NLK: variants seen among roughly 807,000 people sequenced by gnomAD.
NLK encodes the protein nemo like kinase.
Under a neutral mutation model 59.0 loss-of-function variants are expected in NLK, and 11 were observed. That is an observed-to-expected ratio of 0.19 (90% CI 0.12 to 0.31). NLK has a LOEUF of 0.31. Among genes scored for constraint, NLK ranks in the 10% least tolerant of loss-of-function variants. The probability of loss-of-function intolerance (pLI) is 1.00; values close to 1 mark genes in which losing one functional copy is unlikely to be tolerated. For missense variants in NLK, 410 were observed against 661.1 expected, an observed-to-expected ratio of 0.62 and a Z score of 4.16; for synonymous variants, 235 against 235.9, an observed-to-expected ratio of 1.00 and a Z score of 0.03.
chr17:28,086,666 T>G (rs1910527918), intron 1 of NLK, among the ~76,000 whole-genome samples: 1 of 152,048 alleles, frequency 6.6e-6, no homozygotes. Context: ...AGGTTGCATT[T>G]CCTTCACTTT....
chr17:28,201,394 T>TC, the NLK span, among the ~76,000 whole-genome samples: 1 of 150,628 alleles, frequency 6.6e-6, no homozygotes, highest in African/African-American at 2.4e-5. Flanking sequence ...TTTTTTTTTT[T>TC]TTTTTTTAAA....
chr17:28,147,746 G>T (rs1907317573), intron 3 of NLK, among the ~76,000 whole-genome samples: 1 of 151,914 alleles, frequency 6.6e-6, no homozygotes, highest in African/African-American at 2.4e-5. Context: ...GCTTTTTCTT[G>T]CCTCAAATTC....
At chr17:28,185,979 T>C (rs535427906) in intron 8 of NLK, among the ~76,000 whole-genome samples, 27 of 152,338 alleles carry the variant, frequency 1.8e-4, no homozygotes, top group Admixed American at 1.2e-3. Context: ...ATACTACAAA[T>C]TATACTGTAA....
chr17:28,163,888 A>T (rs1010271517), intron 5 of NLK, among the ~76,000 whole-genome samples: 1 of 152,144 alleles, frequency 6.6e-6, no homozygotes, highest in Non-Finnish European at 1.5e-5. Context: ...AGACAAGGTG[A>T]CTCCTTTACA....
At chr17:28,112,396 A>G (rs1311578047) in intron 1 of NLK, among the ~76,000 whole-genome samples, 6 of 152,006 alleles carry the variant, frequency 3.9e-5, no homozygotes, top group Non-Finnish European at 7.4e-5. Flanking sequence ...GAACTATTAG[A>G]TGTACTGGTG....
At chr17:28,134,559 G>A (rs1301155116) in intron 3 of NLK, among the ~76,000 whole-genome samples, 1 of 152,124 alleles carries the variant, frequency 6.6e-6, no homozygotes, top group Non-Finnish European at 1.5e-5. Flanking sequence ...TTATATAAGG[G>A]ACTTGAGCAT....
At chr17:28,194,558 T>TA in intron 10 of NLK, 24 bp from the exon 11 acceptor site, 1 of 1,562,204 alleles carries the variant, frequency 6.4e-7, no homozygotes, top group Non-Finnish European at 8.8e-7. Flanking sequence ...TACAACTAAT[T>TA]TCTCCATCTC....
intron 3 of NLK, among the ~76,000 whole-genome samples, chr17:28,137,608 AAGTAAG>A (rs1271968580): frequency 1.3e-5 from 2 of 152,114 alleles, no homozygotes; most frequent in Non-Finnish European, 2.9e-5. Context: ...ATCAGATGTA[AAGTAAG>A]AGTATCGGTG....
chr17:28,121,419 CA>C (rs1219385854), intron 1 of NLK, among the ~76,000 whole-genome samples: 4 of 146,488 alleles, frequency 2.7e-5, no homozygotes, highest in Non-Finnish European at 6.0e-5. Flanking sequence ...TAGGTTAATT[CA>C]TGGAAAGTCA....
At chr17:28,120,232 T>TGG (rs899024656) in intron 1 of NLK, among the ~76,000 whole-genome samples, 36 of 122,236 alleles carry the variant, frequency 2.9e-4, no homozygotes, top group East Asian at 2.3e-3. Context: ...AGATTTGGCT[T>TGG]GGGGTGTGTG....
chr17:28,142,043 C>T (rs1471266459), intron 3 of NLK, among the ~76,000 whole-genome samples: 1 of 152,172 alleles, frequency 6.6e-6, no homozygotes, highest in Non-Finnish European at 1.5e-5. Flanking sequence ...CTCCAGAGCA[C>T]TTTGTAAAGG....
chr17:28,157,367 T>A (rs976285562), intron 3 of NLK, among the ~76,000 whole-genome samples: 3 of 152,010 alleles, frequency 2.0e-5, no homozygotes, highest in African/African-American at 7.3e-5. Flanking sequence ...ATTTTTGTAT[T>A]TTTAGTAGAG....
chr17:28,069,208 C>G (rs1303874948), intron 1 of NLK, among the ~76,000 whole-genome samples: 1 of 152,176 alleles, frequency 6.6e-6, no homozygotes, highest in East Asian at 1.9e-4. Flanking sequence ...TTCTTTCACT[C>G]TACATAATGT....
At chr17:28,162,744 A>G (rs1405962546) in intron 4 of NLK, among the ~76,000 whole-genome samples, 2 of 152,110 alleles carry the variant, frequency 1.3e-5, no homozygotes, top group African/African-American at 2.4e-5. Flanking sequence ...GATTTGCTAC[A>G]TTTTATCCAA....
At chr17:28,115,850 TATAA>T (rs934917544) in intron 1 of NLK, among the ~76,000 whole-genome samples, 217 of 151,884 alleles carry the variant, frequency 1.4e-3, no homozygotes, top group African/African-American at 4.0e-3. Context: ...TTTTTAATAT[TATAA>T]ATAGTTTTTT....
chr17:28,204,426 C>G, the NLK span, among the ~76,000 whole-genome samples: 3 of 152,158 alleles, frequency 2.0e-5, no homozygotes, highest in Non-Finnish European at 4.4e-5. Flanking sequence ...TGATGAAGAT[C>G]TGGACTGTGG....
downstream of NLK, among the ~76,000 whole-genome samples, chr17:28,200,587 G>T (rs1170181424): frequency 1.3e-5 from 2 of 152,154 alleles, no homozygotes; most frequent in East Asian, 3.9e-4. Context: ...TGGTTCAAGC[G>T]ATTCTCCTGC....
intron 6 of NLK, among the ~76,000 whole-genome samples, chr17:28,170,979 G>A (rs753860127): frequency 6.6e-6 from 1 of 152,218 alleles, no homozygotes; most frequent in Non-Finnish European, 1.5e-5. Flanking sequence ...ATTATTTCCT[G>A]TTGTATTTTC....
chr17:28,168,358 A>G (rs1424183679), intron 5 of NLK, 90 bp from the exon 6 acceptor site: 1 of 960,490 alleles, frequency 1.0e-6, no homozygotes, highest in African/African-American at 1.7e-5. Context: ...AAAAGTTTCA[A>G]AGTTCAGTGC....
Sources: allele counts gnomAD v4.1 joint callset (sites outside exome capture counted in the v4.1 genomes callset), GRCh38; gene constraint gnomAD v4.1.1; transcripts MANE v1.5; gene names NCBI Gene and HGNC (gene_info 2026-07-23, HGNC 2026-07-21).